Variants in UBE2Q2 observed in about 807,000 individuals in gnomAD.
UBE2Q2 encodes the protein ubiquitin-conjugating enzyme E2 Q2.
In UBE2Q2, 54 loss-of-function variants were observed where a neutral mutation model predicts 59.9. That is an observed-to-expected ratio of 0.90 (90% CI 0.72 to 1.13). UBE2Q2 has a LOEUF of 1.13. Ranked by LOEUF, UBE2Q2 falls within the 50% of genes most tolerant of loss-of-function variation. The pLI, the probability that UBE2Q2 is intolerant of heterozygous loss-of-function variation, is 0.00. For synonymous variants in UBE2Q2, 165 were observed against 155.2 expected (o/e 1.06, Z -0.47); for missense variants, 433 against 441.9 (o/e 0.98, Z 0.18).
At position 75,898,376 on chromosome 15, in the gene UBE2Q2, A is replaced by T. The variant is rs1335442407; in HGVS notation, c.1097-1051A>T. ...GTTTTGTTTTTTTTTAAATCTTAAA[A>T]TTTTTTTGTTATTTTAAAAAAATAG... On this transcript the variant is annotated intron_variant, in intron 12 of 12. Coordinates refer to ENST00000267938, the MANE Select transcript of UBE2Q2 (RefSeq NM_173469.4). 3.3e-5 allele frequency among the ~76,000 whole-genome samples: 5 copies of T among 152,200 alleles called. 1 individual carries two copies. In the South Asian group the frequency reaches 6.2e-4, roughly 19 times the overall value.
chr15:75,884,605 G>A (rs1898651209), intron 9 of UBE2Q2, among the ~76,000 whole-genome samples: 1 of 152,098 alleles, frequency 6.6e-6, no homozygotes, highest in African/African-American at 2.4e-5. Flanking sequence ...TATTACATAT[G>A]GATATGCTGA....
At chr15:75,893,551 T>C (rs1417486802) in intron 11 of UBE2Q2, among the ~76,000 whole-genome samples, 1 of 152,196 alleles carries the variant, frequency 6.6e-6, no homozygotes, top group Non-Finnish European at 1.5e-5. Flanking sequence ...AATGCCCATA[T>C]GTAGATTTGA....
chr15:75,859,936 A>G lies in UBE2Q2; in HGVS notation c.341A>G (p.Lys114Arg). 6.2e-7 allele frequency: 1 copy of G among 1,604,846 alleles called. No individual in the cohort carries two copies. Among genetic ancestry groups the G allele is most frequent in the Non-Finnish European group, 8.5e-7 (1 of 1,177,420 alleles). The change falls in exon 3 of 13, where the codon AAG becomes AGG. Residue 114 changes from lysine (K) to arginine (R), a missense_variant. By Grantham distance (26) the Lys-to-Arg change is conservative. Transcript: ENST00000267938. ...CELCSLYNLP[K>R]HLDVEMLDQP... Reference sequence around the variant, plus strand: ...CTCTGCAGTTTATATAACCTTCCTAAGCACCTGGATGTTGAGATGCTAGAT... The same window carrying G: ...CTCTGCAGTTTATATAACCTTCCTAGGCACCTGGATGTTGAGATGCTAGAT...
In UBE2Q2 at chr15:75,883,400, T is replaced by C; in HGVS notation, c.860T>C (p.Val287Ala). The stretch of plus-strand genomic sequence containing the variant: ...CCATTTGATCCTCCATTTGTTCGAG[T>C]GGTGTTACCTGTTCTCTCAGGAGGG... ...NFPFDPPFVRVVLPVLSGGYV... is the reference protein window; with the variant it reads ...NFPFDPPFVRAVLPVLSGGYV... The change falls in exon 9 of 13, where the codon GTG (valine) becomes GCG (alanine). Residue 287 changes from valine to alanine, a missense_variant. Transcript: ENST00000267938. The C allele has an allele frequency of 6.2e-7, 1 of 1,613,170 alleles. No homozygotes were observed. Among genetic ancestry groups the C allele is most frequent in the Non-Finnish European group, 8.5e-7 (1 of 1,179,566 alleles).
At position 75,843,685 on chromosome 15, in the gene UBE2Q2, A is replaced by G; in HGVS notation, c.19A>G (p.Lys7Glu). ...GGGGAAGATGTCCGTGTCAGGGCTC[A>G]AGGCCGAGCTGAAGTTCCTGGCGTC... is the stretch of plus-strand genomic sequence containing the variant. MSVSGLKAELKFLASIF... is the reference protein window; with the variant it reads MSVSGLEAELKFLASIF... Residue 7 changes from lysine (K) to glutamate (E), a missense_variant, in exon 1 of 13, where the codon AAG becomes GAG. Physicochemically the swap from Lys to Glu is moderately conservative, Grantham distance 56. Coordinates refer to ENST00000267938, the MANE Select transcript of UBE2Q2 (RefSeq NM_173469.4). 4 of 1,609,530 alleles carry G rather than the reference A, an allele frequency of 2.5e-6. No individual in the cohort carries two copies. Among genetic ancestry groups the G allele is most frequent in the Non-Finnish European group, 3.4e-6 (4 of 1,178,120 alleles).
chr15:75,858,043 T>G (rs994989467), intron 2 of UBE2Q2, among the ~76,000 whole-genome samples: 4 of 152,204 alleles, frequency 2.6e-5, no homozygotes, highest in Non-Finnish European at 4.4e-5. Flanking sequence ...GATAATCTAA[T>G]GGAACTTCCA....
intron 9 of UBE2Q2, among the ~76,000 whole-genome samples, chr15:75,888,275 G>A (rs1898901035): frequency 6.6e-6 from 1 of 151,994 alleles, no homozygotes; most frequent in Non-Finnish European, 1.5e-5. Flanking sequence ...ATTGATCCTG[G>A]CAACCTCTCA....
intron 1 of UBE2Q2, among the ~76,000 whole-genome samples, chr15:75,851,820 A>T (rs950087417): frequency 2.0e-5 from 3 of 152,196 alleles, no homozygotes; most frequent in African/African-American, 7.2e-5. Flanking sequence ...TGAAATATTA[A>T]AAAGACATAT....
rs1346641542 is a variant in UBE2Q2, at chr15:75,900,884, A to C, written c.*1426A>C. On this transcript the variant is annotated 3_prime_UTR_variant, in exon 13 of 13. Coordinates refer to ENST00000267938, the MANE Select transcript of UBE2Q2 (RefSeq NM_173469.4). ...AAGCCTAAGGCTAAATCTTGAATAC[A>C]TTGTTGAATTCTTTAATATCCTGAT... The C allele has an allele frequency of 2.6e-5, 4 of 152,650 alleles. No individual in the cohort carries two copies. Among genetic ancestry groups the C allele is most frequent in the Non-Finnish European group, 5.9e-5 (4 of 68,044 alleles). 9.5% of individuals were successfully genotyped at this position (152,650 alleles called of 1,614,324 possible).
intron 1 of UBE2Q2, among the ~76,000 whole-genome samples, chr15:75,851,436 C>A (rs1595854292): frequency 6.6e-6 from 1 of 151,858 alleles, no homozygotes; most frequent in African/African-American, 2.4e-5. Context: ...AATGTTGATA[C>A]ATTTGATTTT....
At chr15:75,869,678 A>C (rs1001062383) in intron 4 of UBE2Q2, among the ~76,000 whole-genome samples, 1 of 152,194 alleles carries the variant, frequency 6.6e-6, no homozygotes, top group African/African-American at 2.4e-5. Context: ...AGGAGGAAGG[A>C]GCCCTCTTGG....
chr15:75,875,611 C>T (rs886691752), intron 5 of UBE2Q2, among the ~76,000 whole-genome samples: 1 of 152,156 alleles, frequency 6.6e-6, no homozygotes, highest in African/African-American at 2.4e-5. Flanking sequence ...TAGACTCATA[C>T]TGAATTCTTT....
At chr15:75,874,799 A>C (rs896217489) in intron 5 of UBE2Q2, among the ~76,000 whole-genome samples, 1 of 152,226 alleles carries the variant, frequency 6.6e-6, no homozygotes, top group Admixed American at 6.5e-5. Context: ...TTGTCTGAAC[A>C]CTTACTACTT....
At chr15:75,894,085 A>G (rs1425189950) in intron 11 of UBE2Q2, among the ~76,000 whole-genome samples, 1 of 152,194 alleles carries the variant, frequency 6.6e-6, no homozygotes, top group South Asian at 2.1e-4. Context: ...AACTCATGCA[A>G]ACAGCCTTTA....
chr15:75,893,689 C>G (rs914589782), intron 11 of UBE2Q2, among the ~76,000 whole-genome samples: 1 of 151,782 alleles, frequency 6.6e-6, no homozygotes, highest in Non-Finnish European at 1.5e-5. Context: ...TAAAATCAGA[C>G]GATTTAAAAA....
chr15:75,857,092 TTC>T (rs1417960112), intron 2 of UBE2Q2, among the ~76,000 whole-genome samples: 2 of 151,810 alleles, frequency 1.3e-5, no homozygotes, highest in Admixed American at 6.6e-5. Context: ...AAGACCCTCT[TTC>T]TCTCTCTCTC....
At chr15:75,866,623 TCTTA>T (rs1461310035) in intron 3 of UBE2Q2, among the ~76,000 whole-genome samples, 1 of 152,192 alleles carries the variant, frequency 6.6e-6, no homozygotes, top group Non-Finnish European at 1.5e-5. Flanking sequence ...TTAACTGTTC[TCTTA>T]CTTACATCTC....
intron 2 of UBE2Q2, among the ~76,000 whole-genome samples, chr15:75,858,281 T>C (rs1372861642): frequency 6.6e-6 from 1 of 152,188 alleles, no homozygotes; most frequent in Non-Finnish European, 1.5e-5. Context: ...GAATCTCACT[T>C]ACAGTGCCAT....
intron 2 of UBE2Q2, among the ~76,000 whole-genome samples, chr15:75,856,328 T>C (rs1044143362): frequency 1.3e-5 from 2 of 150,068 alleles, no homozygotes; most frequent in Non-Finnish European, 3.0e-5. Context: ...AGATTTATTT[T>C]TGGAAGTTGA....
Sources: gnomAD v4.1 joint callset for allele counts (sites outside exome capture counted in the v4.1 genomes callset) on GRCh38, gnomAD v4.1.1 for gene constraint, MANE v1.5 for transcripts, NCBI Gene and HGNC (gene_info 2026-07-23, HGNC 2026-07-21) for gene names.